Variants in SLC22A9 observed in about 807,000 individuals in gnomAD.
SLC22A9 encodes organic anion transporter 7.
A neutral mutation model predicts 50.1 loss-of-function variants in SLC22A9; 64 were observed. The ratio of observed to expected loss-of-function variants is 1.28; its 90% confidence interval spans 1.04 to 1.57. The LOEUF (loss-of-function observed/expected upper bound fraction) is 1.57, where lower values mean the gene tolerates loss of function less well. Among genes scored for constraint, SLC22A9 ranks in the 40% most tolerant of loss-of-function variants. The pLI, the probability that SLC22A9 is intolerant of heterozygous loss-of-function variation, is 0.00. For missense variants in SLC22A9, 757 were observed against 676.1 expected, an observed-to-expected ratio of 1.12 and a Z score of -1.33; for synonymous variants, 261 against 242.5, an observed-to-expected ratio of 1.08 and a Z score of -0.71.
chr11:63,383,877 T>A (rs1287377575), intron 6 of SLC22A9, among the ~76,000 whole-genome samples: 5 of 151,958 alleles, frequency 3.3e-5, no homozygotes, highest in Non-Finnish European at 5.9e-5. Context: ...AGTGAAACCC[T>A]GTCTCTACTA....
chr11:63,395,646 A>G (rs2014841063), intron 6 of SLC22A9, among the ~76,000 whole-genome samples: 1 of 152,084 alleles, frequency 6.6e-6, no homozygotes, highest in African/African-American at 2.4e-5. Flanking sequence ...GACTCTATGC[A>G]GGTTCTTAGC....
In SLC22A9 at chr11:63,382,166, A is replaced by T; in HGVS notation, c.962A>T (p.Lys321Ile). The change falls in exon 6 of 10, where the codon AAA (lysine) becomes ATA (isoleucine). Residue 321 changes from lysine (K) to isoleucine (I), a missense_variant. Coordinates refer to ENST00000279178, the MANE Select transcript of SLC22A9 (RefSeq NM_080866.3). ...ARDTLTLEILKSTMKKELEAA... is the reference protein window; with the variant it reads ...ARDTLTLEILISTMKKELEAA... The stretch of plus-strand genomic sequence containing the variant: ...TTTCTGCTATTGTTGAAGATTTTGA[A>T]ATCCACCATGAAAAAAGAACTGGAG... The T allele has an allele frequency of 6.2e-7, 1 of 1,604,750 alleles. No homozygotes were observed. The highest frequency in any genetic ancestry group is 2.2e-5 in the East Asian group (1 of 44,840).
intron 6 of SLC22A9, among the ~76,000 whole-genome samples, chr11:63,388,763 C>G (rs2014712141): frequency 6.6e-6 from 1 of 151,740 alleles, no homozygotes; most frequent in African/African-American, 2.4e-5. Context: ...TTAGTTCTTC[C>G]TTAAATTTTG....
At chr11:63,389,992 C>G (rs1366140095) in intron 6 of SLC22A9, among the ~76,000 whole-genome samples, 1 of 152,096 alleles carries the variant, frequency 6.6e-6, no homozygotes, top group Non-Finnish European at 1.5e-5. Flanking sequence ...TGAGAAGCGT[C>G]TGTTGATATC....
At chr11:63,382,385 A>G (rs552895543) in intron 6 of SLC22A9, 108 bp downstream of exon 6, 1 of 755,146 alleles carries the variant, frequency 1.3e-6, no homozygotes, top group Non-Finnish European at 2.1e-6. Flanking sequence ...CACATAAAAG[A>G]TGAGAAAGCC....
chr11:63,375,763 C>A lies in SLC22A9; in HGVS notation c.949C>A (p.Leu317Met), dbSNP rs777489163. 1.6e-5 allele frequency: 26 copies of A among 1,611,616 alleles called. No individual in the cohort carries two copies. The highest frequency in any genetic ancestry group is 2.1e-5 in the Non-Finnish European group (25 of 1,178,420). ...GMKNARDTLT[L>M]EILKSTMKKE... is the part of the protein sequence containing the mutation. Reference sequence around the variant, plus strand: ...GAAGAATGCCAGAGACACCCTAACCCTGGAGGTGAGCTGGATGGGAGCTAG... The same window carrying A: ...GAAGAATGCCAGAGACACCCTAACCATGGAGGTGAGCTGGATGGGAGCTAG... The change falls in exon 5 of 10, where the codon CTG becomes ATG. Residue 317 changes from leucine (L) to methionine (M), a missense_variant. Physicochemically the swap from Leu to Met is conservative, Grantham distance 15. Transcript: ENST00000279178.
chr11:63,386,649 T>G (rs1429519565), intron 6 of SLC22A9, among the ~76,000 whole-genome samples: 1 of 151,712 alleles, frequency 6.6e-6, no homozygotes, highest in Non-Finnish European at 1.5e-5. Context: ...AGTTTGTATT[T>G]CTATGGGGCC....
chr11:63,405,789 TTTG>T (rs1318726230), intron 6 of SLC22A9, among the ~76,000 whole-genome samples: 1 of 152,126 alleles, frequency 6.6e-6, no homozygotes, highest in Non-Finnish European at 1.5e-5. Flanking sequence ...TGCAGTGGTT[TTTG>T]TTGTCATGTG....
At chr11:63,407,236 C>A (rs1373574741) in intron 7 of SLC22A9, among the ~76,000 whole-genome samples, 1 of 152,070 alleles carries the variant, frequency 6.6e-6, no homozygotes, top group Non-Finnish European at 1.5e-5. Flanking sequence ...ACAAAAGTGC[C>A]CCATCTTTAT....
intron 2 of SLC22A9, among the ~76,000 whole-genome samples, chr11:63,372,281 T>C (rs1167284148): frequency 2.0e-5 from 3 of 152,050 alleles, no homozygotes; most frequent in African/African-American, 7.2e-5. Context: ...AAACTGATTG[T>C]TTTGGAATAA....
At chr11:63,399,939 G>A (rs1163750901) in intron 6 of SLC22A9, among the ~76,000 whole-genome samples, 1 of 151,926 alleles carries the variant, frequency 6.6e-6, no homozygotes, top group Non-Finnish European at 1.5e-5. Context: ...AATGACAAAT[G>A]GGTCAATCAA....
intron 6 of SLC22A9, among the ~76,000 whole-genome samples, chr11:63,387,856 T>G (rs1162941269): frequency 6.6e-6 from 1 of 151,886 alleles, no homozygotes; most frequent in Non-Finnish European, 1.5e-5. Context: ...CATCAGAGGG[T>G]TTTTTCACTT....
At chr11:63,395,215 T>C (rs2014832676) in intron 6 of SLC22A9, among the ~76,000 whole-genome samples, 1 of 152,164 alleles carries the variant, frequency 6.6e-6, no homozygotes, top group Non-Finnish European at 1.5e-5. Context: ...GCTTAATAAC[T>C]AACCTCTTGA....
intron 6 of SLC22A9, among the ~76,000 whole-genome samples, chr11:63,396,310 C>G (rs907386230): frequency 1.3e-5 from 2 of 152,220 alleles, no homozygotes; most frequent in African/African-American, 2.4e-5. Context: ...CACAGCCCCC[C>G]ACAAAGTGCC....
chr11:63,397,467 T>C (rs1267552214), intron 6 of SLC22A9, among the ~76,000 whole-genome samples: 3 of 152,114 alleles, frequency 2.0e-5, no homozygotes, highest in Non-Finnish European at 2.9e-5. Context: ...CCCTTCACGG[T>C]CACAAGTTCC....
intron 6 of SLC22A9, among the ~76,000 whole-genome samples, chr11:63,403,719 A>C (rs1178034794): frequency 2.0e-5 from 3 of 152,154 alleles, no homozygotes; most frequent in Non-Finnish European, 4.4e-5. Context: ...AAAGGTAAGA[A>C]AAGGAGATAA....
chr11:63,397,991 G>T (rs2014889369), intron 6 of SLC22A9, among the ~76,000 whole-genome samples: 1 of 152,030 alleles, frequency 6.6e-6, no homozygotes, highest in Non-Finnish European at 1.5e-5. Context: ...AATATGCCAG[G>T]TCCCACCTGA....
chr11:63,393,597 C>T (rs1371921566), intron 6 of SLC22A9, among the ~76,000 whole-genome samples: 3 of 152,012 alleles, frequency 2.0e-5, no homozygotes, highest in African/African-American at 7.3e-5. Context: ...GATGTATGTC[C>T]TTTGTATGCC....
intron 6 of SLC22A9, among the ~76,000 whole-genome samples, chr11:63,387,726 G>A (rs1023980128): frequency 3.9e-5 from 6 of 152,068 alleles, no homozygotes; most frequent in African/African-American, 1.2e-4. Flanking sequence ...GTATTGAATC[G>A]GTAGATTGCT....
Sources: allele counts gnomAD v4.1 joint callset (sites outside exome capture counted in the v4.1 genomes callset), GRCh38; gene constraint gnomAD v4.1.1; transcripts MANE v1.5; gene names NCBI Gene and HGNC (gene_info 2026-07-23, HGNC 2026-07-21).